The following NFAT5 variants were observed in gnomAD, a reference collection of about 807,000 sequenced individuals.
NFAT5 encodes nuclear factor of activated T cells 5.
NFAT5 carries 31 observed loss-of-function variants against 166.5 expected under a neutral mutation model. The observed-to-expected ratio is 0.19, with a 90% CI of 0.14 to 0.25. The LOEUF (loss-of-function observed/expected upper bound fraction) is 0.25. NFAT5 is among the 10% of genes least tolerant of loss of function. The pLI is 1.00. For missense variants in NFAT5, 1,449 were observed against 1,821.8 expected (o/e 0.80, Z 3.72); for synonymous variants, 612 against 639.7 (o/e 0.96, Z 0.65).
At chr16:69,635,838 A>C (rs1457669177) in intron 3 of NFAT5, among the ~76,000 whole-genome samples, 1 of 152,086 alleles carries the variant, frequency 6.6e-6, no homozygotes, top group Non-Finnish European at 1.5e-5. Flanking sequence ...ACACAGCCAA[A>C]CCACATCATT....
Position 69,597,746 on chromosome 16 carries a change from C to G in NFAT5, c.128-28657C>G, listed in dbSNP as rs575173253. Among the ~76,000 whole-genome samples, 3 of 152,172 alleles carry G rather than the reference C, an allele frequency of 2.0e-5. No individual in the cohort carries two copies. The East Asian group carries it at 5.8e-4, about 29-fold the overall frequency. On this transcript the variant is annotated intron_variant, in intron 2 of 14. Transcript: ENST00000349945. ...AGCTGGGACTACAGGCGCCCACCAC[C>G]GCGCCTGACTAATTTTTTGTATTTT... is the stretch of plus-strand genomic sequence containing the variant.
At chr16:69,582,220 G>A (rs1023478509) in intron 2 of NFAT5, among the ~76,000 whole-genome samples, 14 of 152,118 alleles carry the variant, frequency 9.2e-5, no homozygotes, top group Non-Finnish European at 2.9e-5. Context: ...AGTCGAGATT[G>A]TGCATCTGTA....
chr16:69,693,668 A>G lies in NFAT5; in HGVS notation c.3843A>G (p.Gln1281=), dbSNP rs373835590. 28 of 1,613,550 alleles carry G rather than the reference A, an allele frequency of 1.7e-5. No individual in the cohort carries two copies. The highest frequency in any genetic ancestry group is 4.4e-5 in the South Asian group (4 of 91,088). Residue 1281 remains glutamine, a synonymous_variant, in exon 13 of 15, where the codon CAA becomes CAG. Transcript: ENST00000349945. ...QQQQQQQQQQ[Q]QQQSILFSNQ... is the part of the protein sequence containing the mutation. ...AACAGCAGCAGCAACAGCAGCAGCA[A>G]CAACAACAGAGCATTTTATTCAGTA...
At chr16:69,649,050 A>G in intron 4 of NFAT5, 2 of 870,490 alleles carry the variant, frequency 2.3e-6, no homozygotes, top group Non-Finnish European at 1.4e-6. Context: ...TACCTAAAAG[A>G]AAATAAGATA....
chr16:69,623,564 A>G (rs963684762), intron 2 of NFAT5, among the ~76,000 whole-genome samples: 53 of 151,268 alleles, frequency 3.5e-4, no homozygotes, highest in African/African-American at 1.2e-3. Context: ...CTGGAGTGCA[A>G]TGGTGTGATC....
At chr16:69,636,875 A>T (rs183653377) in intron 3 of NFAT5, among the ~76,000 whole-genome samples, 16 of 152,300 alleles carry the variant, frequency 1.1e-4, no homozygotes, top group Non-Finnish European at 1.8e-4. Flanking sequence ...TATTAACATT[A>T]GGCTTCTTGC....
intron 2 of NFAT5, among the ~76,000 whole-genome samples, chr16:69,615,229 C>T (rs746067690): frequency 5.3e-5 from 8 of 151,942 alleles, no homozygotes; most frequent in East Asian, 1.9e-4. Context: ...TTACTAGAGA[C>T]GACGTTTTGC....
In NFAT5 at chr16:69,690,915, T is replaced by C. The variant is rs772637404; in HGVS notation, c.1775-25T>C. On this transcript the variant is annotated intron_variant, in intron 11 of 14. Coordinates refer to ENST00000349945, the MANE Select transcript of NFAT5 (RefSeq NM_138713.4). ...GGTAAATTTTGTGATTTTAAACTTT[T>C]CTTTTTGTGTGTGTGTATATGCAGC... 2.8e-6 allele frequency: 4 copies of C among 1,449,026 alleles called. No homozygotes were observed. The East Asian group carries it at 1.0e-4, about 37-fold the overall frequency. The allele number at this position is 1,449,026 out of a possible 1,614,324, so 89.8% of individuals were successfully genotyped here.
At chr16:69,630,232 C>G (rs2034652280) in intron 3 of NFAT5, among the ~76,000 whole-genome samples, 1 of 152,108 alleles carries the variant, frequency 6.6e-6, no homozygotes, top group South Asian at 2.1e-4. Flanking sequence ...TATGCTGCTT[C>G]TCCAGGGATG....
chr16:69,664,665 T>A (rs2151657695), intron 7 of NFAT5, among the ~76,000 whole-genome samples: 1 of 152,306 alleles, frequency 6.6e-6, no homozygotes, highest in East Asian at 1.9e-4. Context: ...TGATTTTTTG[T>A]GTGTTCTAAT....
chr16:69,638,321 C>T (rs1271024128), intron 3 of NFAT5, among the ~76,000 whole-genome samples: 4 of 152,126 alleles, frequency 2.6e-5, no homozygotes, highest in South Asian at 2.1e-4. Flanking sequence ...ATTTTGTCTA[C>T]GATTGGATCT....
chr16:69,620,574 A>C (rs1333309918), intron 2 of NFAT5, among the ~76,000 whole-genome samples: 2 of 152,226 alleles, frequency 1.3e-5, no homozygotes, highest in East Asian at 3.8e-4. Context: ...TCTCTACAAA[A>C]AAATTGAAAA....
intron 2 of NFAT5, among the ~76,000 whole-genome samples, chr16:69,572,031 G>T (rs151219756): frequency 1.3e-5 from 2 of 151,904 alleles, no homozygotes; most frequent in Non-Finnish European, 2.9e-5. Flanking sequence ...CAAAGTGCTG[G>T]GATTACAGGC....
chr16:69,569,036 A>G (rs568399839), intron 2 of NFAT5, among the ~76,000 whole-genome samples: 9 of 152,350 alleles, frequency 5.9e-5, no homozygotes, highest in Admixed American at 5.9e-4. Context: ...GCCAAGTAAT[A>G]GCGATGATGA....
rs897818530 is a variant in NFAT5 at position 69,660,269 on chromosome 16, A to T, written c.1369+370A>T. ...AAATCCTGTCTCTACAAAATAAAAA[A>T]ATATATATAATAAGTTGGGTGTGAT... is the stretch of plus-strand genomic sequence containing the variant. On this transcript the variant is annotated intron_variant, in intron 7 of 14. Coordinates refer to ENST00000349945, the MANE Select transcript of NFAT5 (RefSeq NM_138713.4). Among the ~76,000 whole-genome samples the T allele has an allele frequency of 3.3e-5, 5 of 152,148 alleles. No individual in the cohort carries two copies. In the South Asian group the frequency reaches 6.2e-4, roughly 19 times the overall value.
chr16:69,680,295 AG>A (rs1435428536), intron 10 of NFAT5, among the ~76,000 whole-genome samples: 3 of 152,180 alleles, frequency 2.0e-5, no homozygotes, highest in South Asian at 2.1e-4. Flanking sequence ...TGGAAGGGAA[AG>A]GAATTTATGT....
chr16:69,677,985 T>G (rs62049974), intron 10 of NFAT5, among the ~76,000 whole-genome samples: 15,854 of 151,276 alleles, frequency 0.1, 1,038 homozygotes, highest in Non-Finnish European at 0.14. Flanking sequence ...AAACCTTGTC[T>G]CTACTAAAAA....
chr16:69,610,843 A>G (rs1363200938), intron 2 of NFAT5, among the ~76,000 whole-genome samples: 1 of 151,982 alleles, frequency 6.6e-6, no homozygotes, highest in Non-Finnish European at 1.5e-5. Flanking sequence ...CCCTCTATAT[A>G]TTTCTTCTCT....
intron 3 of NFAT5, among the ~76,000 whole-genome samples, chr16:69,636,415 C>G (rs920565178): frequency 2.0e-5 from 3 of 152,178 alleles, no homozygotes; most frequent in Non-Finnish European, 2.9e-5. Flanking sequence ...ACATAGTACC[C>G]AGTACGGACT....
Sources: allele counts gnomAD v4.1 joint callset (sites outside exome capture counted in the v4.1 genomes callset), GRCh38; gene constraint gnomAD v4.1.1; transcripts MANE v1.5; gene names NCBI Gene and HGNC (gene_info 2026-07-23, HGNC 2026-07-21).